The following OLA1 variants were observed in gnomAD, a reference collection of about 807,000 sequenced individuals.
OLA1 encodes the protein Obg like ATPase 1.
A neutral mutation model predicts 48.4 loss-of-function variants in OLA1; 14 were observed. That is an observed-to-expected ratio of 0.29 (90% CI 0.19 to 0.45). OLA1 has a LOEUF of 0.45. Ranked by LOEUF, OLA1 falls within the 20% of genes least tolerant of loss-of-function variation. The pLI is 1.00. For missense variants in OLA1, 325 were observed against 467.1 expected (o/e 0.70, Z 2.80); for synonymous variants, 127 against 150.4 (o/e 0.84, Z 1.14).
chr2:174,151,069 T>C (rs995317301), intron 4 of OLA1, among the ~76,000 whole-genome samples: 3 of 151,840 alleles, frequency 2.0e-5, no homozygotes, highest in Non-Finnish European at 4.4e-5. Context: ...GCATGGAGGA[T>C]AGGGAAGTCC....
intron 4 of OLA1, among the ~76,000 whole-genome samples, chr2:174,158,418 C>T (rs1011127877): frequency 1.3e-5 from 2 of 150,772 alleles, no homozygotes; most frequent in African/African-American, 2.4e-5. Context: ...ACAGTACAAC[C>T]GGGCTGTTTT....
intron 7 of OLA1, among the ~76,000 whole-genome samples, chr2:174,100,853 G>C (rs1056574769): frequency 6.6e-6 from 1 of 152,118 alleles, no homozygotes; most frequent in Admixed American, 6.5e-5. Flanking sequence ...TTTCCAAGTT[G>C]CTCTGTGTAT....
At chr2:174,225,569 G>A (rs1688599077) in intron 3 of OLA1, among the ~76,000 whole-genome samples, 1 of 151,970 alleles carries the variant, frequency 6.6e-6, no homozygotes. Context: ...AGCTTTCTGA[G>A]GCCTCGCCAG....
At chr2:174,229,546 G>T in intron 2 of OLA1, 95 bp from the exon 3 acceptor site, 1 of 888,686 alleles carries the variant, frequency 1.1e-6, no homozygotes, top group Non-Finnish European at 1.7e-6. Flanking sequence ...AGATCCATGA[G>T]GAATATAAAA....
intron 4 of OLA1, among the ~76,000 whole-genome samples, chr2:174,201,500 C>T (rs1687988477): frequency 1.3e-5 from 2 of 152,150 alleles, no homozygotes; most frequent in Admixed American, 1.3e-4. Flanking sequence ...AGGCACACGC[C>T]ACCATGCCCG....
At chr2:174,168,984 A>G (rs1474921172) in intron 4 of OLA1, among the ~76,000 whole-genome samples, 1 of 151,750 alleles carries the variant, frequency 6.6e-6, no homozygotes, top group Non-Finnish European at 1.5e-5. Context: ...TTTGAGACGG[A>G]GTCTCGCCCT....
At chr2:174,087,900 A>G (rs1057099598) in intron 7 of OLA1, among the ~76,000 whole-genome samples, 1 of 152,214 alleles carries the variant, frequency 6.6e-6, no homozygotes, top group African/African-American at 2.4e-5. Context: ...ACATTAGGAC[A>G]TTCTCAAATC....
In OLA1 at chr2:174,163,773, TATAA is replaced by T. The variant is rs57705532; in HGVS notation, c.374-21777_374-21774del. 1.1e-3 allele frequency among the ~76,000 whole-genome samples: 42 copies of T among 38,742 alleles called. 4 individuals carry two copies. In the East Asian group the frequency reaches 0.03, roughly 27 times the overall value. 25.4% of individuals were successfully genotyped at this position (38,742 alleles called of 152,430 possible). A position where few individuals can be genotyped will look rare whatever the true frequency, so the allele number is the denominator to read the frequency against. ...ATATATATATATATATATATATATA[TATAA>T]ATAAATGTTTGGGTGCCTGCTTAGA... On this transcript the variant is annotated intron_variant, in intron 4 of 10. Transcript: ENST00000284719.
chr2:174,182,762 C>T (rs148083952), intron 4 of OLA1, among the ~76,000 whole-genome samples: 304 of 152,272 alleles, frequency 2.0e-3, no homozygotes, highest in Middle Eastern at 0.01. Flanking sequence ...CCTTCCCAAG[C>T]AGGTCTCTCC....
At chr2:174,173,523 T>C (rs1687353788) in intron 4 of OLA1, among the ~76,000 whole-genome samples, 1 of 151,082 alleles carries the variant, frequency 6.6e-6, no homozygotes. Flanking sequence ...TTTAAGAACT[T>C]CATTTTAAAT....
At chr2:174,212,162 G>C (rs1031276722) in intron 4 of OLA1, among the ~76,000 whole-genome samples, 4 of 152,132 alleles carry the variant, frequency 2.6e-5, no homozygotes, top group African/African-American at 9.7e-5. Flanking sequence ...AACCTAGATG[G>C]TATAACCTAC....
chr2:174,082,449 C>G (rs373211675), intron 7 of OLA1, among the ~76,000 whole-genome samples: 5 of 152,208 alleles, frequency 3.3e-5, no homozygotes, highest in African/African-American at 1.2e-4. Flanking sequence ...TCTGTTTGTA[C>G]AGGAATCATA....
intron 4 of OLA1, among the ~76,000 whole-genome samples, chr2:174,214,211 T>C (rs1378527710): frequency 6.6e-6 from 1 of 152,036 alleles, no homozygotes; most frequent in Non-Finnish European, 1.5e-5. Context: ...TGCACACCTG[T>C]AGTCCCAGCT....
chr2:174,141,414 T>G (rs2105380261), intron 5 of OLA1, among the ~76,000 whole-genome samples: 1 of 152,362 alleles, frequency 6.6e-6, no homozygotes, highest in East Asian at 1.9e-4. Flanking sequence ...TAAAATGATC[T>G]GTCTACTTTA....
chr2:174,245,575 G>A (rs116542601), intron 2 of OLA1, among the ~76,000 whole-genome samples: 319 of 152,286 alleles, frequency 2.1e-3, no homozygotes, highest in African/African-American at 7.4e-3. Context: ...ATATTTTAAG[G>A]TTAGTGAAAG....
chr2:174,121,351 G>T (rs189670661), intron 7 of OLA1, among the ~76,000 whole-genome samples: 495 of 152,166 alleles, frequency 3.3e-3, no homozygotes, highest in African/African-American at 0.011. Flanking sequence ...GGATGCACAG[G>T]GGGTAGTCAA....
intron 5 of OLA1, among the ~76,000 whole-genome samples, chr2:174,135,138 C>T (rs527946038): frequency 4.6e-5 from 6 of 130,604 alleles, no homozygotes; most frequent in South Asian, 2.4e-4. Context: ...CCAGCCTGGG[C>T]GACAGAGCAA....
In OLA1 at chr2:174,142,015, A is replaced by G. The variant is rs760324557; in HGVS notation, c.374-15T>C. 36 of 1,610,018 alleles carry G rather than the reference A, an allele frequency of 2.2e-5. No individual in the cohort carries two copies. In the Admixed American group the frequency reaches 2.7e-4, roughly 12 times the overall value. On this transcript the variant is annotated splice_polypyrimidine_tract_variant and intron_variant, in intron 4 of 10. Coordinates refer to ENST00000284719, the MANE Select transcript of OLA1 (RefSeq NM_013341.5). Reference sequence around the variant, plus strand: ...TTCAAAAGCACCTAAAATGAATTAAAGGGAAGCAATTCAATAAACAAATAA... The same window carrying G: ...TTCAAAAGCACCTAAAATGAATTAAGGGGAAGCAATTCAATAAACAAATAA...
At chr2:174,179,851 A>C (rs1328342602) in intron 4 of OLA1, among the ~76,000 whole-genome samples, 1 of 152,120 alleles carries the variant, frequency 6.6e-6, no homozygotes, top group Non-Finnish European at 1.5e-5. Context: ...AACATTCTGG[A>C]CTGGCAACTT....
Sources: gnomAD v4.1 joint callset for allele counts (sites outside exome capture counted in the v4.1 genomes callset) on GRCh38, gnomAD v4.1.1 for gene constraint, MANE v1.5 for transcripts, NCBI Gene and HGNC (gene_info 2026-07-23, HGNC 2026-07-21) for gene names.